ASZ1: variants seen among roughly 807,000 people sequenced by gnomAD.
ASZ1 encodes the protein ankyrin repeat, SAM and basic leucine zipper domain containing 1.
Under a neutral mutation model 61.8 loss-of-function variants are expected in ASZ1, and 67 were observed. That is an observed-to-expected ratio of 1.08 (90% CI 0.89 to 1.33). The LOEUF is 1.33. Among genes scored for constraint, ASZ1 ranks in the 40% most tolerant of loss-of-function variants. The pLI is 0.00. For synonymous variants in ASZ1, 193 were observed against 192.7 expected, an observed-to-expected ratio of 1.00 and a Z score of -0.01; for missense variants, 577 against 554.5, an observed-to-expected ratio of 1.04 and a Z score of -0.41.
chr7:117,411,970 A>T (rs961196520), intron 4 of ASZ1, among the ~76,000 whole-genome samples: 1 of 151,800 alleles, frequency 6.6e-6, no homozygotes, highest in Non-Finnish European at 1.5e-5. Flanking sequence ...AGGAATATTA[A>T]GCAGCTAAAA....
chr7:117,363,470 T>C lies in ASZ1; in HGVS notation c.*126A>G. ...CTTTTTAAAAAAAAACTCCACATTG[T>C]CAAAATTTTTCCTATGGAATATTGG... On this transcript the variant is annotated 3_prime_UTR_variant, in exon 13 of 13. Coordinates refer to ENST00000284629, the MANE Select transcript of ASZ1 (RefSeq NM_130768.3). The C allele has an allele frequency of 1.2e-6, 1 of 813,842 alleles. No homozygotes were observed. The highest frequency in any genetic ancestry group is 1.7e-6 in the Non-Finnish European group (1 of 593,670). The allele number at this position is 813,842 out of a possible 1,614,324, so 50.4% of individuals were successfully genotyped here.
At chr7:117,413,841 TA>T (rs2116523595) in intron 4 of ASZ1, among the ~76,000 whole-genome samples, 1 of 152,198 alleles carries the variant, frequency 6.6e-6, no homozygotes, top group Admixed American at 6.5e-5. Context: ...AAATAAACTT[TA>T]AAAATCTAGA....
chr7:117,423,274 A>C (rs1033467922), intron 2 of ASZ1, among the ~76,000 whole-genome samples: 5 of 151,970 alleles, frequency 3.3e-5, no homozygotes, highest in African/African-American at 4.8e-5. Flanking sequence ...TTGGCTGTAT[A>C]AACACCGGGT....
chr7:117,368,411 G>C, intron 11 of ASZ1: 8 of 1,231,618 alleles, frequency 6.5e-6, no homozygotes, highest in Non-Finnish European at 6.1e-6. Flanking sequence ...TCTTTTTCTT[G>C]AAGGCAAGAA....
At chr7:117,414,445 A>G (rs1018412053) in intron 4 of ASZ1, among the ~76,000 whole-genome samples, 2 of 152,178 alleles carry the variant, frequency 1.3e-5, no homozygotes, top group Non-Finnish European at 2.9e-5. Context: ...TATTTAGTTA[A>G]TAAGTTTGGA....
chr7:117,389,677 G>C (rs772605797), intron 4 of ASZ1, among the ~76,000 whole-genome samples: 5 of 152,146 alleles, frequency 3.3e-5, no homozygotes, highest in Non-Finnish European at 5.9e-5. Context: ...ATTGAAACAA[G>C]TCATGCAGAC....
At chr7:117,412,357 C>T (rs758306542) in intron 4 of ASZ1, among the ~76,000 whole-genome samples, 18 of 151,730 alleles carry the variant, frequency 1.2e-4, no homozygotes, top group Non-Finnish European at 2.7e-4. Flanking sequence ...TCTAAAAATT[C>T]TTTATGAAAT....
intron 4 of ASZ1, among the ~76,000 whole-genome samples, chr7:117,405,571 T>C (rs1310362681): frequency 1.3e-5 from 2 of 152,228 alleles, no homozygotes; most frequent in South Asian, 2.1e-4. Flanking sequence ...CCATCAAGGA[T>C]AGCAGTCATT....
At chr7:117,425,564 G>A (rs7779160) in intron 2 of ASZ1, among the ~76,000 whole-genome samples, 39,407 of 151,638 alleles carry the variant, frequency 0.26, 5,329 homozygotes, top group Middle Eastern at 0.28. Flanking sequence ...CACCGCGCCC[G>A]GCCAGTAATT....
chr7:117,391,604 T>G (rs1464279142), intron 4 of ASZ1, among the ~76,000 whole-genome samples: 1 of 152,050 alleles, frequency 6.6e-6, no homozygotes. Context: ...TGTTGAAGAT[T>G]AGTTGGTTGT....
chr7:117,389,894 G>T (rs902368705), intron 4 of ASZ1, among the ~76,000 whole-genome samples: 1 of 152,172 alleles, frequency 6.6e-6, no homozygotes, highest in Non-Finnish European at 1.5e-5. Flanking sequence ...AGCTGGACTT[G>T]AGCAAGTTAC....
chr7:117,372,680 C>T (rs568062408), intron 10 of ASZ1, among the ~76,000 whole-genome samples: 5 of 152,284 alleles, frequency 3.3e-5, no homozygotes, highest in African/African-American at 1.2e-4. Context: ...TATGCGCTCA[C>T]TGTAGAATAT....
chr7:117,375,218 G>A (rs1796115502), intron 10 of ASZ1, among the ~76,000 whole-genome samples: 1 of 152,108 alleles, frequency 6.6e-6, no homozygotes, highest in East Asian at 1.9e-4. Context: ...AAAGGCAGAA[G>A]AGGCCTTACA....
rs537257590 is a variant in ASZ1, at chr7:117,392,900, G to A, written c.441-7091C>T. Reference sequence around the variant, plus strand: ...CTCACTCTGTTGCCCAGGCTGGAGTGCAGTGGCACAATCTCTGCTTACTGC... The same window carrying A: ...CTCACTCTGTTGCCCAGGCTGGAGTACAGTGGCACAATCTCTGCTTACTGC... On this transcript the variant is annotated intron_variant, in intron 4 of 12. Transcript: ENST00000284629. Among the ~76,000 whole-genome samples, 445 of 148,208 alleles carry A rather than the reference G, an allele frequency of 3.0e-3. 2 individuals are homozygous for A. Among genetic ancestry groups the A allele is most frequent in the Admixed American group, 4.7e-3 (70 of 14,918 alleles).
intron 10 of ASZ1, among the ~76,000 whole-genome samples, chr7:117,370,893 G>A (rs989031094): frequency 1.2e-4 from 18 of 151,204 alleles, no homozygotes; most frequent in Non-Finnish European, 2.4e-4. Flanking sequence ...GCAGTGATGC[G>A]AGGCTCACTG....
At chr7:117,424,822 A>G (rs180703951) in intron 2 of ASZ1, among the ~76,000 whole-genome samples, 173 of 152,332 alleles carry the variant, frequency 1.1e-3, no homozygotes, top group Middle Eastern at 3.4e-3. Flanking sequence ...TCCAAACTCA[A>G]GTTCCATTGT....
chr7:117,368,683 T>G lies in ASZ1; in HGVS notation c.1090A>C (p.Asn364His). ...GTTATTAAATGGCCACACTGTTTATTTAATTTGAGAAGAAAGTTGAGGAAC... is the reference window on the plus strand; with the variant it reads ...GTTATTAAATGGCCACACTGTTTATGTAATTTGAGAAGAAAGTTGAGGAAC... Reference protein sequence around the residue: ...DEFLNFLLKLNKQCGHLITAV... With the variant: ...DEFLNFLLKLHKQCGHLITAV... The change falls in exon 11 of 13, where the codon AAT becomes CAT. Residue 364 changes from asparagine (N) to histidine (H), a missense_variant. By Grantham distance (68) the Asn-to-His change is moderately conservative (BLOSUM62 1). Coordinates refer to ENST00000284629, the MANE Select transcript of ASZ1 (RefSeq NM_130768.3). 6.2e-7 allele frequency: 1 copy of G among 1,612,856 alleles called. No homozygotes were observed. The highest frequency in any genetic ancestry group is 8.5e-7 in the Non-Finnish European group (1 of 1,179,422).
intron 12 of ASZ1, among the ~76,000 whole-genome samples, chr7:117,364,200 A>AC (rs1157036408): frequency 6.6e-6 from 1 of 152,248 alleles, no homozygotes; most frequent in Non-Finnish European, 1.5e-5. Flanking sequence ...ACTGGTAGAA[A>AC]CTTAATTTAT....
chr7:117,420,584 T>C (rs1339304867), intron 3 of ASZ1, among the ~76,000 whole-genome samples: 2 of 152,208 alleles, frequency 1.3e-5, no homozygotes, highest in Non-Finnish European at 2.9e-5. Context: ...CAGTTTTTGG[T>C]TGATTAAAAT....
Sources: gnomAD v4.1 joint callset for allele counts (sites outside exome capture counted in the v4.1 genomes callset) on GRCh38, gnomAD v4.1.1 for gene constraint, MANE v1.5 for transcripts, NCBI Gene and HGNC (gene_info 2026-07-23, HGNC 2026-07-21) for gene names.